The following ADARB2 variants were observed in gnomAD, a reference collection of about 807,000 sequenced individuals.
ADARB2 encodes the protein adenosine deaminase RNA specific B2 (inactive), also known as inactive double-stranded RNA-specific editase B2.
ADARB2 carries 25 observed loss-of-function variants against 62.2 expected under a neutral mutation model. That is an observed-to-expected ratio of 0.40 (90% CI 0.29 to 0.56). The LOEUF (loss-of-function observed/expected upper bound fraction) is 0.56, where lower values mean the gene tolerates loss of function less well. Ranked by LOEUF, ADARB2 falls within the 20% of genes least tolerant of loss-of-function variation. The pLI, the probability that ADARB2 is intolerant of heterozygous loss-of-function variation, is 0.43. For synonymous variants in ADARB2, 572 were observed against 500.8 expected (o/e 1.14, Z -1.90); for missense variants, 1,071 against 1,077.4 (o/e 0.99, Z 0.08).
chr10:1,663,676 G>C lies in ADARB2; in HGVS notation c.100+73375C>G, dbSNP rs139737194. On this transcript the variant is annotated intron_variant, in intron 1 of 9. Transcript: ENST00000381312. ...GCTCTGTCACCCAGGCTAGAGTGCA[G>C]TGACGTGATCTCGGCTCACTGCAAT... Among the ~76,000 whole-genome samples the C allele has an allele frequency of 3.7e-3, 561 of 151,864 alleles. 2 individuals are homozygous for C. The highest frequency in any genetic ancestry group is 6.7e-3 in the Non-Finnish European group (457 of 67,984).
rs571199988 is a variant in ADARB2, at chr10:1,386,481, T to A, written c.101-7321A>T. ...AAGTCAAATGACTGAAAAAGATACA[T>A]CATGTAAATGCTTATTTTAAGAAAG... is the stretch of plus-strand genomic sequence containing the variant. On this transcript the variant is annotated intron_variant, in intron 1 of 9. Transcript: ENST00000381312. 2.6e-5 allele frequency among the ~76,000 whole-genome samples: 4 copies of A among 152,018 alleles called. No homozygotes were observed. In the East Asian group the frequency reaches 5.8e-4, roughly 22 times the overall value.
At chr10:1,556,147 G>A (rs1484661397) in intron 1 of ADARB2, among the ~76,000 whole-genome samples, 1 of 152,000 alleles carries the variant, frequency 6.6e-6, no homozygotes, top group African/African-American at 2.4e-5. Flanking sequence ...AGGATGAGGG[G>A]GCACCTTCCC....
intron 1 of ADARB2, among the ~76,000 whole-genome samples, chr10:1,606,840 G>A (rs985249823): frequency 3.3e-5 from 5 of 152,138 alleles, no homozygotes; most frequent in Non-Finnish European, 7.3e-5. Flanking sequence ...GTGTGTGTCA[G>A]GCAAACTAAA....
rs148382207 is a variant in ADARB2, at chr10:1,495,312, T to G, written c.101-116152A>C. On this transcript the variant is annotated intron_variant, in intron 1 of 9. Coordinates refer to ENST00000381312, the MANE Select transcript of ADARB2 (RefSeq NM_018702.4). ...ACATTCAAGTTGTATATCAAATACA[T>G]GCAAGGTATATCAAGTAGTTCACGT... Among the ~76,000 whole-genome samples, 6 of 152,216 alleles carry G rather than the reference T, an allele frequency of 3.9e-5. No homozygotes were observed. In the East Asian group the frequency reaches 1.2e-3, roughly 29 times the overall value.
chr10:1,576,148 C>CA (rs1395468155), intron 1 of ADARB2, among the ~76,000 whole-genome samples: 1 of 78,384 alleles, frequency 1.3e-5, no homozygotes, highest in Non-Finnish European at 2.5e-5. Context: ...AGAGGGGGGT[C>CA]CACGGTCACA....
At chr10:1,188,635 C>G (rs1836796762) in intron 8 of ADARB2, among the ~76,000 whole-genome samples, 1 of 133,524 alleles carries the variant, frequency 7.5e-6, no homozygotes, top group South Asian at 2.5e-4. Context: ...TTTTAATAAA[C>G]CTTCCATAGA....
chr10:1,737,305 CTCT>C lies in ADARB2; in HGVS notation c.-158_-156del. 1.5e-6 allele frequency: 1 copy of C among 666,452 alleles called. No individual in the cohort carries two copies. Among genetic ancestry groups the C allele is most frequent in the East Asian group, 2.8e-5 (1 of 36,340 alleles). 41.3% of individuals were successfully genotyped at this position (666,452 alleles called of 1,614,324 possible). On this transcript the variant is annotated 5_prime_UTR_variant, in exon 1 of 10. Coordinates refer to ENST00000381312, the MANE Select transcript of ADARB2 (RefSeq NM_018702.4). The stretch of plus-strand genomic sequence containing the variant: ...GACTGAGCAGGAAAGCGCGCTCCGT[CTCT>C]CTGTCTCTCGAATTGTTCTCTATGA...
At chr10:1,560,114 A>G (rs888843296) in intron 1 of ADARB2, among the ~76,000 whole-genome samples, 10 of 152,206 alleles carry the variant, frequency 6.6e-5, no homozygotes, top group Non-Finnish European at 1.5e-4. Context: ...TAAGATTCCC[A>G]GACTAGTCGG....
At chr10:1,189,015 A>G (rs1192570481) in intron 8 of ADARB2, among the ~76,000 whole-genome samples, 1 of 150,568 alleles carries the variant, frequency 6.6e-6, no homozygotes, top group Non-Finnish European at 1.5e-5. Context: ...TCTCTTCCTC[A>G]CCGACATGGA....
chr10:1,677,790 G>A (rs1053577078), intron 1 of ADARB2, among the ~76,000 whole-genome samples: 4 of 152,156 alleles, frequency 2.6e-5, no homozygotes, highest in East Asian at 1.9e-4. Flanking sequence ...GGCTGAACTC[G>A]GCAAGGCTGC....
chr10:1,557,165 A>G (rs1832716500), intron 1 of ADARB2, among the ~76,000 whole-genome samples: 1 of 151,626 alleles, frequency 6.6e-6, no homozygotes, highest in Non-Finnish European at 1.5e-5. Flanking sequence ...CACCATGTCC[A>G]GTCGACTGTG....
intron 1 of ADARB2, among the ~76,000 whole-genome samples, chr10:1,419,217 C>A (rs899162824): frequency 2.6e-5 from 4 of 152,144 alleles, no homozygotes; most frequent in African/African-American, 4.8e-5. Context: ...CCTCAGCCTC[C>A]CAAGTAGCTG....
chr10:1,672,537 C>A (rs12777962), intron 1 of ADARB2, among the ~76,000 whole-genome samples: 1 of 152,176 alleles, frequency 6.6e-6, no homozygotes, highest in South Asian at 2.1e-4. Flanking sequence ...CTTTTCCTCT[C>A]TGCAGGCCTC....
chr10:1,363,463 G>A lies in ADARB2; in HGVS notation c.642C>T (p.Ser214=). 2.1e-6 allele frequency: 3 copies of A among 1,455,356 alleles called. No individual in the cohort carries two copies. Among genetic ancestry groups the A allele is most frequent in the South Asian group, 1.5e-5 (1 of 68,348 alleles). 90.2% of individuals were successfully genotyped at this position (1,455,356 alleles called of 1,614,324 possible). The change falls in exon 3 of 10, where the codon TCC becomes TCT. Residue 214 remains serine, a synonymous_variant. Transcript: ENST00000381312. The part of the protein sequence containing the change: ...GGPGPGTDFT[S]DQADFPDTLF... ...GCGTGTCGGGGAAATCGGCCTGGTC[G>A]GAGGTGAAGTCCGTGCCGGGGCCCG...
intron 1 of ADARB2, among the ~76,000 whole-genome samples, chr10:1,586,259 C>T (rs2132004387): frequency 6.6e-6 from 1 of 152,234 alleles, no homozygotes; most frequent in East Asian, 1.9e-4. Context: ...AAAGTCCAAC[C>T]CAGTTCTTCT....
intron 1 of ADARB2, among the ~76,000 whole-genome samples, chr10:1,650,158 T>C (rs1834091893): frequency 6.6e-6 from 1 of 152,240 alleles, no homozygotes; most frequent in Non-Finnish European, 1.5e-5. Flanking sequence ...TCATGACTGC[T>C]CTCACATGCT....
intron 1 of ADARB2, among the ~76,000 whole-genome samples, chr10:1,689,692 C>CT (rs1834644523): frequency 6.6e-6 from 1 of 152,210 alleles, no homozygotes. Flanking sequence ...CCACAGCAGG[C>CT]TTTTGCTCTC....
chr10:1,333,082 C>A (rs1831944125), intron 3 of ADARB2, among the ~76,000 whole-genome samples: 2 of 152,176 alleles, frequency 1.3e-5, no homozygotes, highest in Admixed American at 6.5e-5. Context: ...AACACAAATC[C>A]CTCAGCTCAT....
chr10:1,567,566 CCCTGCCAGGGG>C (rs1832874520), intron 1 of ADARB2, among the ~76,000 whole-genome samples: 1 of 152,138 alleles, frequency 6.6e-6, no homozygotes, highest in Non-Finnish European at 1.5e-5. Flanking sequence ...GACGGTCAGC[CCCTGCCAGGGG>C]ACTTCATGCC....
Sources: gnomAD v4.1 joint callset for allele counts (sites outside exome capture counted in the v4.1 genomes callset) on GRCh38, gnomAD v4.1.1 for gene constraint, MANE v1.5 for transcripts, NCBI Gene and HGNC (gene_info 2026-07-23, HGNC 2026-07-21) for gene names.